Variants in AGPAT2 observed in about 807,000 individuals in gnomAD.
AGPAT2 encodes 1-acyl-sn-glycerol-3-phosphate acyltransferase beta.
AGPAT2 carries 18 observed loss-of-function variants against 26.1 expected under a neutral mutation model. The ratio of observed to expected loss-of-function variants is 0.69; its 90% confidence interval spans 0.48 to 1.02. The LOEUF is 1.02. AGPAT2 is among the 50% of genes least tolerant of loss of function. The pLI, the probability that AGPAT2 is intolerant of heterozygous loss-of-function variation, is 0.00. For missense variants in AGPAT2, 415 were observed against 394.9 expected (o/e 1.05, Z -0.43); for synonymous variants, 200 against 174.2 (o/e 1.15, Z -1.16).
chr9:136,676,283 C>G (rs745468113), intron 4 of AGPAT2, among the ~76,000 whole-genome samples: 1 of 152,164 alleles, frequency 6.6e-6, no homozygotes, highest in African/African-American at 2.4e-5. Flanking sequence ...GCAGCAGAGG[C>G]GAGCGGCCCG....
rs376004100 is a variant in AGPAT2 at position 136,674,823 on chromosome 9, C to T, written c.589-16G>A. On this transcript the variant is annotated splice_polypyrimidine_tract_variant and intron_variant, in intron 4 of 5. Coordinates refer to ENST00000371696, the MANE Select transcript of AGPAT2 (RefSeq NM_006412.4). ...CGATGGGCACCTGCAGGCAGGGAGA[C>T]GCACAGCTGAGGCAGCCCTGGGGAC... is the stretch of plus-strand genomic sequence containing the variant. 5.2e-6 allele frequency: 8 copies of T among 1,539,292 alleles called. No homozygotes were observed. Among genetic ancestry groups the T allele is most frequent in the African/African-American group, 1.4e-5 (1 of 71,714 alleles).
In AGPAT2 at chr9:136,687,392, G is replaced by C. The variant is rs772669143; in HGVS notation, c.-35C>G. 1.4e-6 allele frequency: 2 copies of C among 1,383,726 alleles called. No homozygotes were observed. Among genetic ancestry groups the C allele is most frequent in the Non-Finnish European group, 1.9e-6 (2 of 1,070,896 alleles). The allele number at this position is 1,383,726 out of a possible 1,614,324, so 85.7% of individuals were successfully genotyped here. On this transcript the variant is annotated 5_prime_UTR_variant, in exon 1 of 6. Transcript: ENST00000371696. ...CGGCGCCCGACGGCGCCGCCAGCTCGCTCCCGCTCCCGCTCCCGCTTCTCC... is the reference window on the plus strand; with the variant it reads ...CGGCGCCCGACGGCGCCGCCAGCTCCCTCCCGCTCCCGCTCCCGCTTCTCC...
Position 136,683,995 on chromosome 9 carries a change from G to A in AGPAT2, c.182+3181C>T, listed in dbSNP as rs570754797. ...GTGGGCACGTGCTCCATGGGGACAG[G>A]AGCCTGCCCTGCAGCCAGGAGCTGC... On this transcript the variant is annotated intron_variant, in intron 1 of 5. Transcript: ENST00000371696. 2.2e-3 allele frequency among the ~76,000 whole-genome samples: 336 copies of A among 152,334 alleles called. 4 individuals are homozygous for A. The highest frequency in any genetic ancestry group is 2.6e-3 in the Non-Finnish European group (180 of 68,020).
chr9:136,674,687 G>A (rs753793118), intron 5 of AGPAT2, 48 bp downstream of exon 5: 11 of 1,328,714 alleles, frequency 8.3e-6, no homozygotes, highest in Admixed American at 3.2e-5. Flanking sequence ...CTCCGTGACT[G>A]TAGGGTCAGG....
chr9:136,684,798 C>G (rs79349832), intron 1 of AGPAT2, among the ~76,000 whole-genome samples: 15,254 of 152,260 alleles, frequency 0.1, 956 homozygotes, highest in Admixed American at 0.22. Context: ...CCTCAGTGTC[C>G]TTATTTGTAA....
At chr9:136,679,614 C>G (rs547542558) in intron 1 of AGPAT2, among the ~76,000 whole-genome samples, 2 of 152,162 alleles carry the variant, frequency 1.3e-5, no homozygotes, top group African/African-American at 4.8e-5. Flanking sequence ...TCCAAGAAGA[C>G]GAGGAGGCAA....
chr9:136,679,005 C>T lies in AGPAT2; in HGVS notation c.183-1449G>A, dbSNP rs560086230. Among the ~76,000 whole-genome samples, 13 of 152,292 alleles carry T rather than the reference C, an allele frequency of 8.5e-5. No homozygotes were observed. In the East Asian group the frequency reaches 1.5e-3, roughly 18 times the overall value. Reference sequence around the variant, plus strand: ...CTAGGCTCAAACAACCTGCCGACCTCGGCCTCCCAAAGTGCTGGGCTTACA... The same window carrying T: ...CTAGGCTCAAACAACCTGCCGACCTTGGCCTCCCAAAGTGCTGGGCTTACA... On this transcript the variant is annotated intron_variant, in intron 1 of 5. Transcript: ENST00000371696.
chr9:136,678,026 A>G (rs188346376), intron 1 of AGPAT2, among the ~76,000 whole-genome samples: 163 of 152,338 alleles, frequency 1.1e-3, no homozygotes, highest in African/African-American at 3.8e-3. Flanking sequence ...GCAGGGCCAC[A>G]TCAGGAAGAA....
At chr9:136,678,119 C>T (rs1328973339) in intron 1 of AGPAT2, among the ~76,000 whole-genome samples, 1 of 152,212 alleles carries the variant, frequency 6.6e-6, no homozygotes, top group Non-Finnish European at 1.5e-5. Flanking sequence ...CCTCTCTCAC[C>T]CCTACCCTAC....
chr9:136,684,996 G>A (rs1046038868), intron 1 of AGPAT2, among the ~76,000 whole-genome samples: 9 of 152,170 alleles, frequency 5.9e-5, no homozygotes, highest in Admixed American at 2.0e-4. Context: ...ACGCACGTTC[G>A]CAACAGCCCC....
In AGPAT2 at chr9:136,674,774, A is replaced by T; in HGVS notation, c.622T>A (p.Ser208Thr). Residue 208 changes from serine to threonine, a missense_variant, in exon 5 of 6, where the codon TCC becomes ACC. By Grantham distance (58) the Ser-to-Thr change is moderately conservative. Transcript: ENST00000371696. ...PIVPVVYSSF[S>T]SFYNTKKKFF... The stretch of plus-strand genomic sequence containing the variant: ...TTCTTCTTGGTGTTGTAGAAGGAGG[A>T]GAAGGAAGAGTACACCACGGGGACG... 1 of 1,536,206 alleles carries T rather than the reference A, an allele frequency of 6.5e-7. No homozygotes were observed.
rs1217651546 is a variant in AGPAT2, at chr9:136,677,553, G to A, written c.186C>T (p.Ile62=). ...TGAAGCTTCGCACGAACCAGCCGAT[G>A]ATGCTGCAGGGGAGGCCACCATGAA... ...HGGRTVENMS[I]IGWFVRSFKY... The change falls in exon 2 of 6, where the codon ATC becomes ATT. Residue 62 remains isoleucine (I), a synonymous_variant. Transcript: ENST00000371696. The A allele has an allele frequency of 3.7e-6, 6 of 1,612,822 alleles. No homozygotes were observed. Among genetic ancestry groups the A allele is most frequent in the South Asian group, 2.2e-5 (2 of 91,080 alleles).
At chr9:136,674,834 G>C (rs546430691) in intron 4 of AGPAT2, 27 bp from the exon 5 acceptor site, 3 of 1,525,248 alleles carry the variant, frequency 2.0e-6, no homozygotes, top group South Asian at 2.5e-5. Flanking sequence ...GCACAGCTGA[G>C]GCAGCCCTGG....
chr9:136,677,818 T>C (rs1229204136), intron 1 of AGPAT2, among the ~76,000 whole-genome samples: 1 of 152,016 alleles, frequency 6.6e-6, no homozygotes, highest in Non-Finnish European at 1.5e-5. Flanking sequence ...GCTAGGAGCA[T>C]GGGAAGGCGC....
rs747633247 is a variant in AGPAT2, at chr9:136,677,490, C to T, written c.249G>A (p.Pro83=). Residue 83 remains proline (P), a synonymous_variant, in exon 2 of 6, where the codon CCG becomes CCA. Transcript: ENST00000371696. ...FYGLRFEVRD[P]RRLQEARPCV... ...AGGGACGGGCCTCCTGCAGCCTGCGCGGGTCCCGCACCTCGAAGCGGAGCC... is the reference window on the plus strand; with the variant it reads ...AGGGACGGGCCTCCTGCAGCCTGCGTGGGTCCCGCACCTCGAAGCGGAGCC... The T allele has an allele frequency of 2.4e-5, 38 of 1,612,944 alleles. No homozygotes were observed. The highest frequency in any genetic ancestry group is 2.9e-5 in the Non-Finnish European group (34 of 1,179,960).
chr9:136,677,680 C>G, intron 1 of AGPAT2, 124 bp from the exon 2 acceptor site: 1 of 1,197,278 alleles, frequency 8.4e-7, no homozygotes, highest in Middle Eastern at 2.6e-4. Flanking sequence ...GGGCAGGAGA[C>G]CGGGAGACAC....
At chr9:136,687,012 C>T (rs1846230254) in intron 1 of AGPAT2, among the ~76,000 whole-genome samples, 164 bp downstream of exon 1, 2 of 152,182 alleles carry the variant, frequency 1.3e-5, no homozygotes, top group South Asian at 4.1e-4. Context: ...CCCCTGACTC[C>T]GGGACCCCCT....
intron 5 of AGPAT2, 78 bp from the exon 6 acceptor site, chr9:136,674,005 T>C: frequency 7.4e-7 from 1 of 1,351,734 alleles, no homozygotes; most frequent in Non-Finnish European, 9.7e-7. Context: ...GCCTCGCCTC[T>C]CCCCAGCCCC....
In AGPAT2 at chr9:136,673,649, C is replaced by A; in HGVS notation, c.*103G>T. ...CGGGCTGAGTGAGAGCTGGGGGAGC[C>A]GGACAGAGTGGTATTTGGAAGCCGG... On this transcript the variant is annotated 3_prime_UTR_variant, in exon 6 of 6. Coordinates refer to ENST00000371696, the MANE Select transcript of AGPAT2 (RefSeq NM_006412.4). The A allele has an allele frequency of 2.3e-6, 3 of 1,282,908 alleles. No individual in the cohort carries two copies. The South Asian group carries it at 4.8e-5, about 21-fold the overall frequency. 79.5% of individuals were successfully genotyped at this position (1,282,908 alleles called of 1,614,324 possible).
Sources: gnomAD v4.1 joint callset for allele counts (sites outside exome capture counted in the v4.1 genomes callset) on GRCh38, gnomAD v4.1.1 for gene constraint, MANE v1.5 for transcripts, NCBI Gene and HGNC (gene_info 2026-07-23, HGNC 2026-07-21) for gene names.